KLHDC2: variants seen among roughly 807,000 people sequenced by gnomAD.
The protein encoded by KLHDC2 is kelch domain-containing protein 2.
In KLHDC2, 38 loss-of-function variants were observed where a neutral mutation model predicts 62.3. The observed-to-expected ratio is 0.61, with a 90% CI of 0.47 to 0.80. The LOEUF is 0.80. Among genes scored for constraint, KLHDC2 ranks in the 30% least tolerant of loss-of-function variants. The probability of loss-of-function intolerance (pLI) is 0.00; values close to 1 mark genes in which losing one functional copy is unlikely to be tolerated. For synonymous variants in KLHDC2, 159 were observed against 161.0 expected (o/e 0.99, Z 0.09); for missense variants, 430 against 495.3 (o/e 0.87, Z 1.25).
rs1186136913 is a variant in KLHDC2 at position 49,782,553 on chromosome 14, T to C, written c.1056T>C (p.Asn352=). The change falls in exon 12 of 13, where the codon AAT becomes AAC. Residue 352 remains asparagine (N), a synonymous_variant. Coordinates refer to ENST00000298307, the MANE Select transcript of KLHDC2 (RefSeq NM_014315.3). ...TATTTATTTTTCAGGCACACAGTAA[T>C]GAAATACTAATATTTTCAGTTCAAC... is the stretch of plus-strand genomic sequence containing the variant. ...LLVHHRAAHS[N]EILIFSVQPK... 1.2e-6 allele frequency: 2 copies of C among 1,607,774 alleles called. No individual in the cohort carries two copies. The highest frequency in any genetic ancestry group is 4.5e-5 in the East Asian group (2 of 44,838).
chr14:49,779,769 C>T lies in KLHDC2; in HGVS notation c.736C>T (p.His246Tyr). The T allele has an allele frequency of 1.2e-6, 2 of 1,609,978 alleles. No individual in the cohort carries two copies. Among genetic ancestry groups the T allele is most frequent in the Non-Finnish European group, 1.7e-6 (2 of 1,177,236 alleles). Residue 246 changes from histidine (H) to tyrosine (Y), a missense_variant, in exon 8 of 13, where the codon CAC becomes TAC. His to Tyr is a moderately conservative substitution (Grantham distance 83, BLOSUM62 2). Transcript: ENST00000298307. ...TTAGGATGCTAGAATGAATGATCTT[C>T]ACTATCTTAATCTGGATACATGGGA... is the stretch of plus-strand genomic sequence containing the variant. ...RYRDARMNDL[H>Y]YLNLDTWEWN...
rs1412388594 is a variant in KLHDC2 at position 49,768,576 on chromosome 14, A to G, written c.108A>G (p.Val36=). 7 of 1,605,724 alleles carry G rather than the reference A, an allele frequency of 4.4e-6. No individual in the cohort carries two copies. The highest frequency in any genetic ancestry group is 5.9e-6 in the Non-Finnish European group (7 of 1,177,028). ...LACPAERSGH[V]AVSDGRHMFV... ...GCCCCGCTGAGCGCAGCGGCCACGT[A>G]GCCGTCAGCGACGGGCGCCACATGT... Residue 36 remains valine, a synonymous_variant, in exon 1 of 13, where the codon GTA becomes GTG. Coordinates refer to ENST00000298307, the MANE Select transcript of KLHDC2 (RefSeq NM_014315.3).
intron 2 of KLHDC2, 48 bp downstream of exon 2, chr14:49,771,721 G>A: frequency 1.1e-6 from 1 of 951,760 alleles, no homozygotes; most frequent in East Asian, 2.4e-5. Flanking sequence ...GATAAGGGCT[G>A]GGCACGGTGG....
In KLHDC2 at chr14:49,785,132, A is replaced by G. The variant is rs766285575; in HGVS notation, c.*2179A>G. 1.7e-5 allele frequency: 28 copies of G among 1,605,754 alleles called. No homozygotes were observed. The highest frequency in any genetic ancestry group is 1.7e-4 in the Middle Eastern group (1 of 6,040). On this transcript the variant is annotated 3_prime_UTR_variant, in exon 13 of 13. Coordinates refer to ENST00000298307, the MANE Select transcript of KLHDC2 (RefSeq NM_014315.3). ...GCACTCCAGGAGTAAGTTTCACTTT[A>G]TATCTTTAAAAAGGAATTACATGTG... is the stretch of plus-strand genomic sequence containing the variant.
In KLHDC2 at chr14:49,780,776, G is replaced by T. The variant is rs1425769801; in HGVS notation, c.956+1G>T. 2.6e-6 allele frequency: 4 copies of T among 1,518,278 alleles called. No individual in the cohort carries two copies. Among genetic ancestry groups the T allele is most frequent in the Non-Finnish European group, 3.7e-6 (4 of 1,092,992 alleles). The allele number at this position is 1,518,278 out of a possible 1,614,324, so 94.1% of individuals were successfully genotyped here. A position where few individuals can be genotyped will look rare whatever the true frequency, so the allele number is the denominator to read the frequency against. On this transcript the variant is annotated splice_donor_variant, in intron 10 of 12. Coordinates refer to ENST00000298307, the MANE Select transcript of KLHDC2 (RefSeq NM_014315.3). LOFTEE classifies it high-confidence loss of function. Reference sequence around the variant, plus strand: ...ATCATCCATATACCGAAAAACCAAGGTATTTAAAAGCAATTCATATACTGA... The same window carrying T: ...ATCATCCATATACCGAAAAACCAAGTTATTTAAAAGCAATTCATATACTGA...
chr14:49,783,818 G>A lies in KLHDC2; in HGVS notation c.*865G>A, dbSNP rs892414396. 1 of 152,244 alleles carries A rather than the reference G, an allele frequency of 6.6e-6. No homozygotes were observed. Among genetic ancestry groups the A allele is most frequent in the Admixed American group, 6.5e-5 (1 of 15,294 alleles). The allele number at this position is 152,244 out of a possible 1,614,324, so 9.4% of individuals were successfully genotyped here. A position where few individuals can be genotyped will look rare whatever the true frequency, so the allele number is the denominator to read the frequency against. On this transcript the variant is annotated 3_prime_UTR_variant, in exon 13 of 13. Transcript: ENST00000298307. ...AATAGAAATGATTAAGCTGAGTCAT[G>A]AGAATTATTACTTATATTTTACATT...
At chr14:49,776,275 C>T (rs1392359666) in intron 3 of KLHDC2, among the ~76,000 whole-genome samples, 1 of 152,028 alleles carries the variant, frequency 6.6e-6, no homozygotes, top group African/African-American at 2.4e-5. Context: ...GGGGAGGAGA[C>T]AAGCTGTGGT....
chr14:49,777,347 A>G (rs1198902500), intron 3 of KLHDC2, among the ~76,000 whole-genome samples: 2 of 152,190 alleles, frequency 1.3e-5, no homozygotes, highest in Non-Finnish European at 2.9e-5. Context: ...ATCACCACAA[A>G]AGAACTTATC....
chr14:49,782,362 A>G lies in KLHDC2; in HGVS notation c.957-8A>G. 1 of 1,596,122 alleles carries G rather than the reference A, an allele frequency of 6.3e-7. No homozygotes were observed. Among genetic ancestry groups the G allele is most frequent in the Non-Finnish European group, 8.6e-7 (1 of 1,169,178 alleles). ...GTGGCTTCAAACTCGTTTTTGTTTT[A>G]AATGCAGGTTATGGCACACAGCTTG... On this transcript the variant is annotated splice_polypyrimidine_tract_variant and splice_region_variant and intron_variant, in intron 10 of 12. Transcript: ENST00000298307.
Position 49,768,632 on chromosome 14 carries a change from G to A in KLHDC2, c.153+11G>A. The A allele has an allele frequency of 6.4e-7, 1 of 1,574,288 alleles. No homozygotes were observed. The highest frequency in any genetic ancestry group is 8.6e-7 in the Non-Finnish European group (1 of 1,162,096). On this transcript the variant is annotated intron_variant, in intron 1 of 12. Coordinates refer to ENST00000298307, the MANE Select transcript of KLHDC2 (RefSeq NM_014315.3). The stretch of plus-strand genomic sequence containing the variant: ...TGGGGCGGCTACAAGGTCAGTGAGT[G>A]GCCGGGCCGCGACGGACGTCGCTCG...
In KLHDC2 at chr14:49,783,151, TATTAAAGTAA is replaced by T. The variant is rs1889991933; in HGVS notation, c.*200_*209del. The T allele has an allele frequency of 2.4e-6, 1 of 410,734 alleles. No individual in the cohort carries two copies. Among genetic ancestry groups the T allele is most frequent in the South Asian group, 6.9e-5 (1 of 14,492 alleles). 25.4% of individuals were successfully genotyped at this position (410,734 alleles called of 1,614,324 possible). On this transcript the variant is annotated 3_prime_UTR_variant, in exon 13 of 13. Coordinates refer to ENST00000298307, the MANE Select transcript of KLHDC2 (RefSeq NM_014315.3). ...GTATTTAACACCAGTAGCTGTCCTC[TATTAAAGTAA>T]AGTAATGGTTGGGCTTTTTACCCTG...
chr14:49,784,827 C>T lies in KLHDC2; in HGVS notation c.*1874C>T, dbSNP rs769397421. On this transcript the variant is annotated 3_prime_UTR_variant, in exon 13 of 13. Coordinates refer to ENST00000298307, the MANE Select transcript of KLHDC2 (RefSeq NM_014315.3). ...TTTAGCTGAGATGGTTTTACTGCTT[C>T]TAATAAGACAGCATTTTCTACTAAA... 73 of 1,398,344 alleles carry T rather than the reference C, an allele frequency of 5.2e-5. No individual in the cohort carries two copies. Among genetic ancestry groups the T allele is most frequent in the Non-Finnish European group, 7.1e-5 (71 of 996,302 alleles). 86.6% of individuals were successfully genotyped at this position (1,398,344 alleles called of 1,614,324 possible).
chr14:49,769,152 C>T (rs937827715), intron 1 of KLHDC2: 6 of 152,346 alleles, frequency 3.9e-5, no homozygotes, highest in African/African-American at 1.4e-4. Context: ...GGACTGTTTT[C>T]CTTCTGGCTT....
chr14:49,783,215 T>TACA lies in KLHDC2; in HGVS notation c.*263_*264insCAA. The TACA allele has an allele frequency of 3.4e-6, 1 of 292,354 alleles. No individual in the cohort carries two copies. The highest frequency in any genetic ancestry group is 6.3e-6 in the Non-Finnish European group (1 of 159,466). The allele number at this position is 292,354 out of a possible 1,614,324, so 18.1% of individuals were successfully genotyped here. On this transcript the variant is annotated 3_prime_UTR_variant, in exon 13 of 13. Coordinates refer to ENST00000298307, the MANE Select transcript of KLHDC2 (RefSeq NM_014315.3). The stretch of plus-strand genomic sequence containing the variant: ...AATGGTTGCTACATTTTCTTTTCAG[T>TACA]AACTTCAGGATATGTATCTGTAGAA...
In KLHDC2 at chr14:49,785,405, A is replaced by AGG; in HGVS notation, c.*2452_*2453insGG. ...AAAACACTTGAATTAGTATCTCAAC[A>AGG]TATTTTTTATCTTTTCCTGATATAC... On this transcript the variant is annotated 3_prime_UTR_variant, in exon 13 of 13. Transcript: ENST00000298307. 1 of 874,392 alleles carries AGG rather than the reference A, an allele frequency of 1.1e-6. No individual in the cohort carries two copies. Among genetic ancestry groups the AGG allele is most frequent in the South Asian group, 1.4e-5 (1 of 72,446 alleles). The allele number at this position is 874,392 out of a possible 1,614,324, so 54.2% of individuals were successfully genotyped here. A position where few individuals can be genotyped will look rare whatever the true frequency, so the allele number is the denominator to read the frequency against.
intron 12 of KLHDC2, 54 bp downstream of exon 12, chr14:49,782,648 C>T: frequency 1.4e-6 from 2 of 1,459,832 alleles, no homozygotes; most frequent in Non-Finnish European, 1.9e-6. Context: ...TTTCCTAAGA[C>T]TTAGCACTCT....
intron 2 of KLHDC2, among the ~76,000 whole-genome samples, chr14:49,774,154 A>T (rs1889723058): frequency 6.6e-6 from 1 of 152,262 alleles, no homozygotes; most frequent in South Asian, 2.1e-4. Flanking sequence ...GACTGAAGAA[A>T]AAACACTGAA....
intron 1 of KLHDC2, among the ~76,000 whole-genome samples, chr14:49,770,625 A>T (rs951741356): frequency 1.3e-5 from 2 of 151,606 alleles, no homozygotes; most frequent in Non-Finnish European, 2.9e-5. Context: ...TGGCTCCATC[A>T]TTACTTCATA....
rs113838495 is a variant in KLHDC2, at chr14:49,782,273, A to G, written c.957-97A>G. 455 of 748,958 alleles carry G rather than the reference A, an allele frequency of 6.1e-4. 1 individual carries two copies. In the African/African-American group the frequency reaches 6.8e-3, roughly 11 times the overall value. The allele number at this position is 748,958 out of a possible 1,614,324, so 46.4% of individuals were successfully genotyped here. A position where few individuals can be genotyped will look rare whatever the true frequency, so the allele number is the denominator to read the frequency against. ...ATGATGTTTTGGTCTGAACTACCTT[A>G]AGATCGCTAGTCTTTATTTCATAGC... On this transcript the variant is annotated intron_variant, in intron 10 of 12. Coordinates refer to ENST00000298307, the MANE Select transcript of KLHDC2 (RefSeq NM_014315.3).
Sources: allele counts gnomAD v4.1 joint callset (sites outside exome capture counted in the v4.1 genomes callset), GRCh38; gene constraint gnomAD v4.1.1; transcripts MANE v1.5; gene names NCBI Gene and HGNC (gene_info 2026-07-23, HGNC 2026-07-21).